Variants in PAX3 observed in about 807,000 individuals in gnomAD.
PAX3 encodes the protein paired box protein Pax-3.
A neutral mutation model predicts 51.6 loss-of-function variants in PAX3; 14 were observed. The observed-to-expected ratio is 0.27, with a 90% CI of 0.18 to 0.42. The LOEUF is 0.42. PAX3 is among the 10% of genes least tolerant of loss of function. The probability of loss-of-function intolerance (pLI) is 1.00; values close to 1 mark genes in which losing one functional copy is unlikely to be tolerated. For synonymous variants in PAX3, 280 were observed against 253.4 expected (o/e 1.11, Z -1.00); for missense variants, 540 against 642.8 (o/e 0.84, Z 1.73).
chr2:222,285,732 TAC>T (rs942574467), intron 4 of PAX3, among the ~76,000 whole-genome samples: 1 of 152,264 alleles, frequency 6.6e-6, no homozygotes, highest in Non-Finnish European at 1.5e-5. Context: ...CATTTAATTC[TAC>T]AGTTGTTTCC....
rs1553572967 is a variant in PAX3 at position 222,221,300 on chromosome 2, A to AC, written c.879dup (p.Phe294ValfsTer116). On this transcript the variant is annotated frameshift_variant, in exon 6 of 9. Coordinates refer to ENST00000392070, the MANE Select transcript of PAX3 (RefSeq NM_181458.4). LOFTEE classifies it high-confidence loss of function. ...AAGGTCGGCATGGCAGTGGGAGGGA[A>AC]CCCCCCGGGAATGAGATGGTTGAAA... The AC allele has an allele frequency of 6.2e-7, 1 of 1,613,144 alleles. No homozygotes were observed. The highest frequency in any genetic ancestry group is 8.5e-7 in the Non-Finnish European group (1 of 1,179,718).
At chr2:222,227,338 A>T (rs1692421658) in intron 5 of PAX3, among the ~76,000 whole-genome samples, 1 of 152,186 alleles carries the variant, frequency 6.6e-6, no homozygotes, top group South Asian at 2.1e-4. Flanking sequence ...TTACACCTGT[A>T]ATCTCAGCAC....
At chr2:222,230,877 C>A (rs1463361109) in intron 5 of PAX3, among the ~76,000 whole-genome samples, 2 of 136,400 alleles carry the variant, frequency 1.5e-5, no homozygotes, top group East Asian at 4.2e-4. Flanking sequence ...AAAAAAAAAT[C>A]TCATCCTTTC....
At chr2:222,227,402 C>T (rs62188396) in intron 5 of PAX3, among the ~76,000 whole-genome samples, 29,743 of 152,026 alleles carry the variant, frequency 0.2, 3,081 homozygotes, top group South Asian at 0.28. Context: ...TTGAGACCAG[C>T]CTTGGCAACA....
chr2:222,215,364 C>T (rs1298198964), intron 7 of PAX3, among the ~76,000 whole-genome samples: 1 of 152,082 alleles, frequency 6.6e-6, no homozygotes, highest in Non-Finnish European at 1.5e-5. Flanking sequence ...GCCAAGTTGG[C>T]CCATTTTGTA....
At chr2:222,293,716 C>T (rs1437423549) in intron 4 of PAX3, 3 of 1,614,204 alleles carry the variant, frequency 1.9e-6, no homozygotes, top group Non-Finnish European at 2.5e-6. Context: ...CTCTCTCTCT[C>T]TCTCCTTTAA....
intron 3 of PAX3, among the ~76,000 whole-genome samples, chr2:222,295,115 G>C (rs1695224175): frequency 6.6e-6 from 1 of 152,090 alleles, no homozygotes; most frequent in African/African-American, 2.4e-5. Context: ...GAGGAAATCG[G>C]GGCCGTTGTG....
At position 222,201,233 on chromosome 2, in the gene PAX3, G is replaced by C. The variant is rs780660984; in HGVS notation, c.*175C>G. 3 of 1,613,828 alleles carry C rather than the reference G, an allele frequency of 1.9e-6. No individual in the cohort carries two copies. Among genetic ancestry groups the C allele is most frequent in the Non-Finnish European group, 2.5e-6 (3 of 1,179,992 alleles). On this transcript the variant is annotated 3_prime_UTR_variant, in exon 9 of 9. Transcript: ENST00000392070. ...TTGTCGAACGTGTTCAAAAGGATTT[G>C]AAACCAACTATTGGAGGAAGAAAAT...
At chr2:222,241,255 G>C (rs190535679) in intron 4 of PAX3, among the ~76,000 whole-genome samples, 248 of 152,338 alleles carry the variant, frequency 1.6e-3, no homozygotes, top group Non-Finnish European at 3.2e-3. Context: ...ATTGCCAAGA[G>C]AGAGGCCATT....
chr2:222,266,054 T>C (rs1559296583), intron 4 of PAX3, among the ~76,000 whole-genome samples: 1 of 152,188 alleles, frequency 6.6e-6, no homozygotes, highest in Admixed American at 6.5e-5. Flanking sequence ...AGACTTTCTT[T>C]TGAAAAGAAT....
chr2:222,211,878 A>G lies in PAX3; in HGVS notation c.1173+8262T>C, dbSNP rs180758862. Among the ~76,000 whole-genome samples the G allele has an allele frequency of 2.0e-5, 3 of 152,296 alleles. No homozygotes were observed. In the East Asian group the frequency reaches 5.8e-4, roughly 29 times the overall value. ...GGATATAATTTCTGACTTTTACCAA[A>G]TTTTACCTTCAGAATACTTTTCTCT... On this transcript the variant is annotated intron_variant, in intron 7 of 8. Transcript: ENST00000392070.
intron 4 of PAX3, chr2:222,293,585 A>C: frequency 6.3e-7 from 1 of 1,582,484 alleles, no homozygotes; most frequent in Non-Finnish European, 8.7e-7. Flanking sequence ...AGGCACACAC[A>C]GGTTAAACCC....
At chr2:222,225,242 G>C (rs1037911633) in intron 5 of PAX3, among the ~76,000 whole-genome samples, 1 of 151,992 alleles carries the variant, frequency 6.6e-6, no homozygotes, top group Non-Finnish European at 1.5e-5. Flanking sequence ...TTTATCTGCC[G>C]CCTGTACTTC....
chr2:222,260,614 C>T (rs1693827525), intron 4 of PAX3, among the ~76,000 whole-genome samples: 1 of 82,320 alleles, frequency 1.2e-5, no homozygotes, highest in African/African-American at 5.1e-5. Flanking sequence ...TTTTTTGAGG[C>T]AAAGTCTCTC....
intron 4 of PAX3, among the ~76,000 whole-genome samples, chr2:222,284,759 C>CCA (rs1436317735): frequency 6.6e-6 from 1 of 152,184 alleles, no homozygotes; most frequent in Non-Finnish European, 1.5e-5. Context: ...ATTTCCCCCC[C>CCA]GACCAAGACT....
Position 222,294,163 on chromosome 2 carries a change from T to C in PAX3, c.586+4A>G, listed in dbSNP as rs1279009635. 1 of 1,614,232 alleles carries C rather than the reference T, an allele frequency of 6.2e-7. No homozygotes were observed. Reference sequence around the variant, plus strand: ...AGTGCGCCGCCCAAGGCGCCACCGCTTACCTCGCTCGCTCAGGATGCCGTC... The same window carrying C: ...AGTGCGCCGCCCAAGGCGCCACCGCCTACCTCGCTCGCTCAGGATGCCGTC... On this transcript the variant is annotated splice_donor_region_variant and intron_variant, in intron 4 of 8. Transcript: ENST00000392070.
chr2:222,254,391 C>A (rs1220033394), intron 4 of PAX3, among the ~76,000 whole-genome samples: 1 of 152,158 alleles, frequency 6.6e-6, no homozygotes, highest in African/African-American at 2.4e-5. Context: ...CTTCCTCTTG[C>A]AATAAGCGTT....
intron 4 of PAX3, among the ~76,000 whole-genome samples, chr2:222,275,509 T>G (rs941543210): frequency 6.6e-6 from 1 of 152,168 alleles, no homozygotes; most frequent in Admixed American, 6.5e-5. Flanking sequence ...TCTTTGCAAT[T>G]AAAAAGTGTA....
At position 222,207,917 on chromosome 2, in the gene PAX3, G is replaced by C. The variant is rs77185023; in HGVS notation, c.1174-5727C>G. ...AAAAACCATTGTGAATTATGATTTT[G>C]TATGATATAAAGGGTTTTTCAGGCT... On this transcript the variant is annotated intron_variant, in intron 7 of 8. Transcript: ENST00000392070. 4.8e-3 allele frequency among the ~76,000 whole-genome samples: 721 copies of C among 151,710 alleles called. 3 individuals carry two copies. Among genetic ancestry groups the C allele is most frequent in the African/African-American group, 0.016 (677 of 41,370 alleles).
Sources: allele counts gnomAD v4.1 joint callset (sites outside exome capture counted in the v4.1 genomes callset), GRCh38; gene constraint gnomAD v4.1.1; transcripts MANE v1.5; gene names NCBI Gene and HGNC (gene_info 2026-07-23, HGNC 2026-07-21).